The following TGFBI variants were observed in gnomAD, a reference collection of about 807,000 sequenced individuals.
TGFBI encodes the protein transforming growth factor beta induced.
Under a neutral mutation model 73.7 loss-of-function variants are expected in TGFBI, and 50 were observed. That is an observed-to-expected ratio of 0.68 (90% CI 0.54 to 0.86). TGFBI has a LOEUF of 0.86. Ranked by LOEUF, TGFBI falls within the 40% of genes least tolerant of loss-of-function variation. The pLI is 0.00. For synonymous variants in TGFBI, 362 were observed against 360.5 expected (o/e 1.00, Z -0.05); for missense variants, 839 against 877.0 (o/e 0.96, Z 0.55).
intron 1 of TGFBI, among the ~76,000 whole-genome samples, chr5:136,032,322 T>A (rs1218522698): frequency 6.6e-6 from 1 of 152,126 alleles, no homozygotes; most frequent in East Asian, 1.9e-4. Flanking sequence ...CTTTCACCTG[T>A]TGAACAAAAA....
At chr5:136,035,275 A>G (rs1018949734) in intron 2 of TGFBI, among the ~76,000 whole-genome samples, 18 of 152,328 alleles carry the variant, frequency 1.2e-4, no homozygotes, top group Admixed American at 9.1e-4. Flanking sequence ...GAACAAAAGG[A>G]GACTATGCAA....
rs779294634 is a variant in TGFBI, at chr5:136,046,460, G to A, written c.424G>A (p.Ala142Thr). 209 of 1,611,962 alleles carry A rather than the reference G, an allele frequency of 1.3e-4. No homozygotes were observed. Among genetic ancestry groups the A allele is most frequent in the Middle Eastern group, 1.6e-4 (1 of 6,072 alleles). Residue 142 changes from alanine (A) to threonine (T), a missense_variant, in exon 4 of 17, where the codon GCC becomes ACC. Physicochemically the swap from Ala to Thr is moderately conservative, Grantham distance 58. Transcript: ENST00000442011. ...MEGPGSFTIFAPSNEAWASLP... is the reference protein window; with the variant it reads ...MEGPGSFTIFTPSNEAWASLP... ...GGGGCCCGGCAGCTTCACCATCTTC[G>A]CCCCTAGCAACGAGGCCTGGGCCTC...
chr5:136,058,815 GC>G (rs1247634917), intron 12 of TGFBI: 14 of 316,648 alleles, frequency 4.4e-5, no homozygotes, highest in African/African-American at 2.5e-4. Flanking sequence ...CAGCCAGGGA[GC>G]CCAGCATCCC....
chr5:136,047,614 C>T (rs1313790901), intron 6 of TGFBI, 194 bp downstream of exon 6: 5 of 682,116 alleles, frequency 7.3e-6, no homozygotes, highest in Non-Finnish European at 9.9e-6. Flanking sequence ...GTGAAATTCT[C>T]CATCTTCTTT....
chr5:136,059,309 C>G (rs1580722553), intron 13 of TGFBI, 95 bp downstream of exon 13: 2 of 1,496,088 alleles, frequency 1.3e-6, no homozygotes, highest in East Asian at 4.9e-5. Context: ...CACACACAAC[C>G]TTCAAGTTGC....
chr5:136,061,511 C>T lies in TGFBI; in HGVS notation c.1918C>T (p.Gln640Ter). ...NVLQPPANRPQERGDELADSA... is the reference protein window; with the variant it reads ...NVLQPPANRP ...TCTTTCCTCTTCAGCCAACAGACCT[C>T]AGGAAAGAGGGGATGAACTTGCAGA... The change falls in exon 15 of 17, where the codon CAG becomes TAG. Residue 640 changes from glutamine to a stop codon, truncating the protein, a stop_gained. Transcript: ENST00000442011. LOFTEE classifies it high-confidence loss of function. 1 of 1,607,344 alleles carries T rather than the reference C, an allele frequency of 6.2e-7. No homozygotes were observed. The highest frequency in any genetic ancestry group is 8.5e-7 in the Non-Finnish European group (1 of 1,176,752).
chr5:136,060,779 T>A (rs13188659), intron 13 of TGFBI, 55 bp from the exon 14 acceptor site: 687,391 of 1,310,792 alleles, frequency 0.52, 182,532 homozygotes, highest in African/African-American at 0.74. Flanking sequence ...AAAATAAATA[T>A]ATAAATGTAT....
intron 2 of TGFBI, among the ~76,000 whole-genome samples, chr5:136,039,340 T>C (rs1467686312): frequency 6.6e-6 from 1 of 152,064 alleles, no homozygotes; most frequent in Non-Finnish European, 1.5e-5. Flanking sequence ...GCTGAGGAGG[T>C]CTGTCCACTT....
chr5:136,043,465 T>C (rs1386307739), intron 2 of TGFBI, among the ~76,000 whole-genome samples: 3 of 152,220 alleles, frequency 2.0e-5, no homozygotes, highest in Non-Finnish European at 4.4e-5. Context: ...TAAAATTTGA[T>C]TGTGAAGACA....
At chr5:136,029,490 C>A (rs1751077020) in intron 1 of TGFBI, among the ~76,000 whole-genome samples, 1 of 152,202 alleles carries the variant, frequency 6.6e-6, no homozygotes, top group Non-Finnish European at 1.5e-5. Context: ...AGCTTCTCCT[C>A]CCAGCCACTG....
intron 1 of TGFBI, among the ~76,000 whole-genome samples, chr5:136,033,435 C>G (rs1196306862): frequency 6.6e-6 from 1 of 152,176 alleles, no homozygotes; most frequent in Non-Finnish European, 1.5e-5. Flanking sequence ...GCATGCAGAG[C>G]ATGTCTGTAT....
Position 136,063,233 on chromosome 5 carries a change from G to A in TGFBI, c.*7G>A, listed in dbSNP as rs755966730. 1.9e-6 allele frequency: 3 copies of A among 1,613,116 alleles called. No homozygotes were observed. The highest frequency in any genetic ancestry group is 1.1e-5 in the South Asian group (1 of 90,930). ...AGAGAGGATGAAGCATTAGCTTGAAGCACTACAGGAGGAATGCACCACGGC... is the reference window on the plus strand; with the variant it reads ...AGAGAGGATGAAGCATTAGCTTGAAACACTACAGGAGGAATGCACCACGGC... On this transcript the variant is annotated 3_prime_UTR_variant, in exon 17 of 17. Transcript: ENST00000442011.
intron 2 of TGFBI, among the ~76,000 whole-genome samples, chr5:136,037,815 T>C (rs1751255108): frequency 6.6e-6 from 1 of 152,210 alleles, no homozygotes; most frequent in South Asian, 2.1e-4. Context: ...GATCAGCTGG[T>C]GCATGGTCGA....
intron 6 of TGFBI, chr5:136,047,630 G>A (rs1438336398): frequency 1.1e-5 from 7 of 627,120 alleles, no homozygotes; most frequent in Non-Finnish European, 1.6e-5. Context: ...TCTTTATAAA[G>A]TGTTCCCTTC....
chr5:136,054,784 G>A lies in TGFBI; in HGVS notation c.1333G>A (p.Ala445Thr), dbSNP rs1207670576. Residue 445 changes from alanine to threonine, a missense_variant, in exon 10 of 17, where the codon GCC (alanine) becomes ACC (threonine). Ala to Thr is a moderately conservative substitution (Grantham distance 58, BLOSUM62 0). Transcript: ENST00000442011. ...LRNHIIKDQLASKYLYHGQTL... is the reference protein window; with the variant it reads ...LRNHIIKDQLTSKYLYHGQTL... ...GAACCACATAATTAAAGACCAGCTGGCCTCTAAGTATCTGTACCATGGACA... is the reference window on the plus strand; with the variant it reads ...GAACCACATAATTAAAGACCAGCTGACCTCTAAGTATCTGTACCATGGACA... 6.2e-7 allele frequency: 1 copy of A among 1,613,790 alleles called. No individual in the cohort carries two copies. The highest frequency in any genetic ancestry group is 8.5e-7 in the Non-Finnish European group (1 of 1,179,896).
chr5:136,056,512 G>A (rs534215738), intron 11 of TGFBI, 153 bp from the exon 12 acceptor site: 105 of 875,080 alleles, frequency 1.2e-4, no homozygotes, highest in African/African-American at 2.9e-4. Flanking sequence ...TTGTGCATAC[G>A]GAGGGCATGA....
At chr5:136,033,559 G>A (rs1345010178) in intron 1 of TGFBI, among the ~76,000 whole-genome samples, 1 of 152,122 alleles carries the variant, frequency 6.6e-6, no homozygotes. Flanking sequence ...ATTTTTGCAG[G>A]GGAAGCTTTC....
intron 2 of TGFBI, among the ~76,000 whole-genome samples, chr5:136,034,674 C>T (rs1376284592): frequency 6.6e-6 from 1 of 152,052 alleles, no homozygotes; most frequent in East Asian, 1.9e-4. Context: ...GCTTTTACCC[C>T]ACTGCCCAGC....
intron 2 of TGFBI, among the ~76,000 whole-genome samples, chr5:136,035,158 T>G (rs1751191203): frequency 6.6e-6 from 1 of 152,150 alleles, no homozygotes; most frequent in Non-Finnish European, 1.5e-5. Flanking sequence ...GGCAGCTTGC[T>G]CCATGCCTGA....
Sources: allele counts gnomAD v4.1 joint callset (sites outside exome capture counted in the v4.1 genomes callset), GRCh38; gene constraint gnomAD v4.1.1; transcripts MANE v1.5; gene names NCBI Gene and HGNC (gene_info 2026-07-23, HGNC 2026-07-21).